The following NIBAN1 variants were observed in gnomAD, a reference collection of about 807,000 sequenced individuals.
NIBAN1 encodes the protein protein Niban 1.
Under a neutral mutation model 75.1 loss-of-function variants are expected in NIBAN1, and 81 were observed. The observed-to-expected ratio is 1.08, with a 90% CI of 0.90 to 1.30. The LOEUF is 1.30. Ranked by LOEUF, NIBAN1 falls within the 50% of genes most tolerant of loss-of-function variation. NIBAN1 has a pLI of 0.00. For synonymous variants in NIBAN1, 436 were observed against 424.8 expected (o/e 1.03, Z -0.32); for missense variants, 1,133 against 1,128.1 (o/e 1.00, Z -0.06).
intron 1 of NIBAN1, among the ~76,000 whole-genome samples, chr1:184,912,207 T>C (rs975240157): frequency 1.8e-4 from 27 of 152,208 alleles, no homozygotes; most frequent in Non-Finnish European, 3.8e-4. Context: ...CTAGTTTACT[T>C]ATTTTAACTG....
At chr1:184,853,973 C>T (rs894396834) in intron 5 of NIBAN1, among the ~76,000 whole-genome samples, 1 of 151,578 alleles carries the variant, frequency 6.6e-6, no homozygotes, top group African/African-American at 2.4e-5. Context: ...TTATAGTAGC[C>T]ATATCAAAAA....
At chr1:184,886,826 C>T (rs531085316) in intron 4 of NIBAN1, among the ~76,000 whole-genome samples, 1 of 152,260 alleles carries the variant, frequency 6.6e-6, no homozygotes, top group Non-Finnish European at 1.5e-5. Context: ...AGAACCGCAT[C>T]AGTTCTGGCA....
chr1:184,930,997 C>CTTTTTTCTTTT (rs1553229154), intron 1 of NIBAN1, among the ~76,000 whole-genome samples: 13 of 114,522 alleles, frequency 1.1e-4, no homozygotes, highest in African/African-American at 4.1e-4. Flanking sequence ...TTTTCTTCTT[C>CTTTTTTCTTTT]TTTTTTTTTT....
chr1:184,974,340 G>A lies in NIBAN1; in HGVS notation c.17C>T (p.Ser6Phe). Residue 6 changes from serine (S) to phenylalanine (F), a missense_variant, in exon 1 of 14, where the codon TCC (serine) becomes TTC (phenylalanine). Ser to Phe is a radical substitution (Grantham distance 155). Transcript: ENST00000367511. MGGSA[S>F]SQLDEGKCAY... ...GCACTTGCCCTCGTCCAGCTGGCTG[G>A]AGGCTGAGCCGCCCATGACCGCGAG... 1 of 1,564,910 alleles carries A rather than the reference G, an allele frequency of 6.4e-7. No individual in the cohort carries two copies. The highest frequency in any genetic ancestry group is 8.6e-7 in the Non-Finnish European group (1 of 1,162,406).
chr1:184,820,924 T>C (rs1167161013), intron 8 of NIBAN1, among the ~76,000 whole-genome samples: 3 of 152,232 alleles, frequency 2.0e-5, no homozygotes, highest in Non-Finnish European at 4.4e-5. Context: ...TTAGCTCTTA[T>C]TGTACCTGTT....
intron 1 of NIBAN1, among the ~76,000 whole-genome samples, chr1:184,916,600 G>GT (rs535619130): frequency 4.0e-5 from 6 of 151,526 alleles, no homozygotes; most frequent in East Asian, 1.9e-4. Context: ...AAAATGAGGG[G>GT]TTTTTTTTAA....
intron 1 of NIBAN1, among the ~76,000 whole-genome samples, chr1:184,926,167 T>C (rs1394081999): frequency 6.6e-6 from 1 of 152,236 alleles, no homozygotes; most frequent in African/African-American, 2.4e-5. Context: ...TACTTTCTTC[T>C]GGCCTACAAG....
intron 1 of NIBAN1, among the ~76,000 whole-genome samples, chr1:184,967,433 A>G (rs1658824180): frequency 6.6e-6 from 1 of 152,182 alleles, no homozygotes; most frequent in African/African-American, 2.4e-5. Flanking sequence ...TATACTAAAA[A>G]AAATTAAAAT....
Position 184,889,729 on chromosome 1 carries a change from G to C in NIBAN1, c.433+379C>G, listed in dbSNP as rs1055078228. The stretch of plus-strand genomic sequence containing the variant: ...TGTGCTAGAAACACAGAGACTGACT[G>C]TGTATTATTGAATGGGATTAGAAAT... On this transcript the variant is annotated intron_variant, in intron 4 of 13. Coordinates refer to ENST00000367511, the MANE Select transcript of NIBAN1 (RefSeq NM_052966.4). 2.0e-5 allele frequency among the ~76,000 whole-genome samples: 3 copies of C among 152,194 alleles called. No homozygotes were observed. In the South Asian group the frequency reaches 6.2e-4, roughly 31 times the overall value.
At chr1:184,952,933 T>C (rs150550019) in intron 1 of NIBAN1, among the ~76,000 whole-genome samples, 2 of 152,342 alleles carry the variant, frequency 1.3e-5, no homozygotes, top group African/African-American at 2.4e-5. Context: ...TACTGAAGTC[T>C]CAACTCCATA....
chr1:184,835,311 G>T (rs1446670257), intron 5 of NIBAN1, among the ~76,000 whole-genome samples: 1 of 152,204 alleles, frequency 6.6e-6, no homozygotes, highest in Non-Finnish European at 1.5e-5. Flanking sequence ...GCTTAGGATT[G>T]TCTTGGCAAT....
chr1:184,797,137 CTTT>C (rs56272970), intron 13 of NIBAN1, among the ~76,000 whole-genome samples: 44,702 of 129,652 alleles, frequency 0.34, 6,363 homozygotes, highest in East Asian at 0.56. Flanking sequence ...CCTTCTCCAG[CTTT>C]TTTTTTTTTT....
At position 184,794,969 on chromosome 1, in the gene NIBAN1, T is replaced by C. The variant is rs745504120; in HGVS notation, c.*8A>G. 3.1e-6 allele frequency: 5 copies of C among 1,607,010 alleles called. No homozygotes were observed. Among genetic ancestry groups the C allele is most frequent in the Non-Finnish European group, 4.2e-6 (5 of 1,179,998 alleles). On this transcript the variant is annotated 3_prime_UTR_variant, in exon 14 of 14. Coordinates refer to ENST00000367511, the MANE Select transcript of NIBAN1 (RefSeq NM_052966.4). ...TTTCAGAGAAAGACTTCAGCCAAAT[T>C]GTCCCTTTCACTCCTCTGAGGGCAG... is the stretch of plus-strand genomic sequence containing the variant.
At chr1:184,949,613 C>G (rs982642802) in intron 1 of NIBAN1, among the ~76,000 whole-genome samples, 1 of 152,214 alleles carries the variant, frequency 6.6e-6, no homozygotes, top group African/African-American at 2.4e-5. Context: ...CATTGAGTCA[C>G]ATGGCTACCC....
intron 1 of NIBAN1, among the ~76,000 whole-genome samples, chr1:184,954,833 A>G (rs1658443029): frequency 6.6e-6 from 1 of 152,218 alleles, no homozygotes; most frequent in Admixed American, 6.5e-5. Context: ...AGATGAGAAC[A>G]GCTCATTCAG....
intron 5 of NIBAN1, among the ~76,000 whole-genome samples, chr1:184,865,740 G>C (rs541354154): frequency 2.8e-4 from 43 of 152,278 alleles, no homozygotes; most frequent in African/African-American, 1.0e-3. Flanking sequence ...TAACTGCTAA[G>C]ATTGATTTTC....
At chr1:184,808,534 C>T (rs1654273886) in intron 9 of NIBAN1, among the ~76,000 whole-genome samples, 1 of 152,164 alleles carries the variant, frequency 6.6e-6, no homozygotes, top group African/African-American at 2.4e-5. Context: ...TCTAATCTCC[C>T]ACTTCCAGAG....
chr1:184,915,415 G>A (rs952277021), intron 1 of NIBAN1, among the ~76,000 whole-genome samples: 2 of 152,216 alleles, frequency 1.3e-5, no homozygotes, highest in Non-Finnish European at 2.9e-5. Flanking sequence ...TTCTGGAGAA[G>A]TTAGTTGCAC....
intron 5 of NIBAN1, among the ~76,000 whole-genome samples, chr1:184,883,685 T>TCGGC (rs1226650046): frequency 2.0e-5 from 3 of 152,192 alleles, no homozygotes; most frequent in African/African-American, 7.2e-5. Context: ...TCAGTGCCAC[T>TCGGC]CGGCCGTGTG....
Sources: gnomAD v4.1 joint callset for allele counts (sites outside exome capture counted in the v4.1 genomes callset) on GRCh38, gnomAD v4.1.1 for gene constraint, MANE v1.5 for transcripts, NCBI Gene and HGNC (gene_info 2026-07-23, HGNC 2026-07-21) for gene names.